The following VARS2 variants were observed in gnomAD, a reference collection of about 807,000 sequenced individuals.
VARS2 encodes the protein valyl-tRNA synthetase 2, mitochondrial, also known as valine--tRNA ligase, mitochondrial.
VARS2 carries 105 observed loss-of-function variants against 154.1 expected under a neutral mutation model. That is an observed-to-expected ratio of 0.68 (90% CI 0.58 to 0.80). The LOEUF (loss-of-function observed/expected upper bound fraction) is 0.80. Among genes scored for constraint, VARS2 ranks in the 30% least tolerant of loss-of-function variants. VARS2 has a pLI of 0.00. For synonymous variants in VARS2, 483 were observed against 539.5 expected (o/e 0.90, Z 1.45); for missense variants, 1,157 against 1,361.4 (o/e 0.85, Z 2.36).
Position 30,917,623 on chromosome 6 carries a change from T to C in VARS2, c.874-72T>C, listed in dbSNP as rs1275678681. On this transcript the variant is annotated intron_variant, in intron 9 of 29. Transcript: ENST00000676266. This position sits in a 1 kb window ranked among gnomAD's most constrained non-coding sequence, Gnocchi z 4.4. ...CAGGGAGGCTGGGCAGATGGATGAGTGGCAGAGTGAAGCCTGGGCATGAGC... is the reference window on the plus strand; with the variant it reads ...CAGGGAGGCTGGGCAGATGGATGAGCGGCAGAGTGAAGCCTGGGCATGAGC... 18 of 1,378,796 alleles carry C rather than the reference T, an allele frequency of 1.3e-5. No homozygotes were observed. Among genetic ancestry groups the C allele is most frequent in the Non-Finnish European group, 1.7e-5 (17 of 1,015,414 alleles). 85.4% of individuals were successfully genotyped at this position (1,378,796 alleles called of 1,614,324 possible).
rs778513420 is a variant in VARS2, at chr6:30,924,383, G to C, written c.2496G>C (p.Ser832=). 2 of 1,612,432 alleles carry C rather than the reference G, an allele frequency of 1.2e-6. No homozygotes were observed. Among genetic ancestry groups the C allele is most frequent in the Non-Finnish European group, 1.7e-6 (2 of 1,179,992 alleles). Residue 832 remains serine, a synonymous_variant, in exon 26 of 30, where the codon TCG becomes TCC. Coordinates refer to ENST00000676266, the MANE Select transcript of VARS2 (RefSeq NM_020442.6). ...CTGTGAAGCCCGTGCTGTGGCACTCGCCCCGCCCCCTGGGGCCCCCTCAGG... is the reference window on the plus strand; with the variant it reads ...CTGTGAAGCCCGTGCTGTGGCACTCCCCCCGCCCCCTGGGGCCCCCTCAGG... The part of the protein sequence containing the change: ...LEAVKPVLWH[S]PRPLGPPQVL...
At position 30,926,293 on chromosome 6, in the gene VARS2, A is replaced by G. The variant is rs1036997318; in HGVS notation, c.*83A>G. On this transcript the variant is annotated 3_prime_UTR_variant, in exon 30 of 30. Transcript: ENST00000676266. The stretch of plus-strand genomic sequence containing the variant: ...TTGTCAGCTGTCAGGGTGCAGTGGG[A>G]CGTCAGAGACTATGTGGTCCATCGC... 4.4e-6 allele frequency: 6 copies of G among 1,362,368 alleles called. No homozygotes were observed. In the African/African-American group the frequency reaches 8.6e-5, roughly 20 times the overall value. The allele number at this position is 1,362,368 out of a possible 1,614,324, so 84.4% of individuals were successfully genotyped here.
At position 30,920,610 on chromosome 6, in the gene VARS2, C is replaced by A; in HGVS notation, c.1398-58C>A. 7.0e-7 allele frequency: 1 copy of A among 1,424,298 alleles called. No individual in the cohort carries two copies. Among genetic ancestry groups the A allele is most frequent in the Non-Finnish European group, 9.5e-7 (1 of 1,054,746 alleles). The allele number at this position is 1,424,298 out of a possible 1,614,324, so 88.2% of individuals were successfully genotyped here. On this transcript the variant is annotated intron_variant, in intron 14 of 29. Coordinates refer to ENST00000676266, the MANE Select transcript of VARS2 (RefSeq NM_020442.6). This position sits in a 1 kb window ranked among gnomAD's most constrained non-coding sequence, Gnocchi z 4.6. Reference sequence around the variant, plus strand: ...GCCTGGCATGGCATGGGGTCTTGTGCCCCTGGGAGAAGTCACAGGGCCGGA... The same window carrying A: ...GCCTGGCATGGCATGGGGTCTTGTGACCCTGGGAGAAGTCACAGGGCCGGA...
At position 30,914,396 on chromosome 6, in the gene VARS2, G is replaced by C. The variant is rs918246743; in HGVS notation, c.-28+52G>C. ...GGAAGTGGGAGACGCTGCGGGTCCT[G>C]GGCCCAGGCCTTGGGATGGGCGGGA... On this transcript the variant is annotated intron_variant, in intron 1 of 29. Coordinates refer to ENST00000676266, the MANE Select transcript of VARS2 (RefSeq NM_020442.6). 4.0e-6 allele frequency: 5 copies of C among 1,258,444 alleles called. No homozygotes were observed. In the African/African-American group the frequency reaches 4.6e-5, roughly 12 times the overall value. The allele number at this position is 1,258,444 out of a possible 1,614,324, so 78.0% of individuals were successfully genotyped here.
chr6:30,920,060 C>T lies in VARS2; in HGVS notation c.1166-29C>T. On this transcript the variant is annotated intron_variant, in intron 12 of 29. Transcript: ENST00000676266. The surrounding 1 kb of genome is among the most constrained non-coding windows in gnomAD (Gnocchi z 4.6). ...GAAAAGCAAAAGCCAAGGTCAGGTT[C>T]AGTACTCACCATGGCTGTGCTCCCC... 6.6e-7 allele frequency: 1 copy of T among 1,516,848 alleles called. No individual in the cohort carries two copies. The highest frequency in any genetic ancestry group is 8.8e-7 in the Non-Finnish European group (1 of 1,133,074). 94.0% of individuals were successfully genotyped at this position (1,516,848 alleles called of 1,614,324 possible). A position where few individuals can be genotyped will look rare whatever the true frequency, so the allele number is the denominator to read the frequency against.
rs528217043 is a variant in VARS2, at chr6:30,926,380, T to C, written c.*170T>C. On this transcript the variant is annotated 3_prime_UTR_variant, in exon 30 of 30. Transcript: ENST00000676266. Reference sequence around the variant, plus strand: ...CGCAGTGACTGTGGTGTCCTTGAGATGCTCACATTACTGCCCGGCCTGCCT... The same window carrying C: ...CGCAGTGACTGTGGTGTCCTTGAGACGCTCACATTACTGCCCGGCCTGCCT... 1 of 684,208 alleles carries C rather than the reference T, an allele frequency of 1.5e-6. No homozygotes were observed. Among genetic ancestry groups the C allele is most frequent in the African/African-American group, 1.8e-5 (1 of 55,688 alleles). The allele number at this position is 684,208 out of a possible 1,614,324, so 42.4% of individuals were successfully genotyped here.
chr6:30,914,499 C>T (rs1582167279), intron 1 of VARS2, 155 bp downstream of exon 1: 1 of 1,333,026 alleles, frequency 7.5e-7, no homozygotes, highest in African/African-American at 1.5e-5. Context: ...TGGCGGGACT[C>T]CTTGCTGGCT....
chr6:30,917,000 T>C lies in VARS2; in HGVS notation c.753+41T>C, dbSNP rs1794217767. 6.2e-7 allele frequency: 1 copy of C among 1,613,392 alleles called. No homozygotes were observed. Among genetic ancestry groups the C allele is most frequent in the Non-Finnish European group, 8.5e-7 (1 of 1,179,432 alleles). On this transcript the variant is annotated intron_variant, in intron 8 of 29. Transcript: ENST00000676266. This position sits in a 1 kb window ranked among gnomAD's most constrained non-coding sequence, Gnocchi z 4.0. The stretch of plus-strand genomic sequence containing the variant: ...CTTGGTCCCTGTGAGTGATGGGCGA[T>C]GTTTAGGGATCTGTGTGGGGCAGGG...
intron 4 of VARS2, 37 bp from the exon 5 acceptor site, chr6:30,915,709 T>C: frequency 6.2e-7 from 1 of 1,609,318 alleles, no homozygotes; most frequent in Non-Finnish European, 8.5e-7. Flanking sequence ...CCCAATCCAA[T>C]TCTCTCTTGC....
At chr6:30,915,598 T>A in intron 4 of VARS2, 143 bp downstream of exon 4, 1 of 1,459,044 alleles carries the variant, frequency 6.9e-7, no homozygotes. Flanking sequence ...TCTTGGCAGG[T>A]TCCCCCTGGC....
In VARS2 at chr6:30,917,014, T is replaced by C; in HGVS notation, c.753+55T>C. 1 of 1,613,390 alleles carries C rather than the reference T, an allele frequency of 6.2e-7. No homozygotes were observed. The highest frequency in any genetic ancestry group is 8.5e-7 in the Non-Finnish European group (1 of 1,179,432). On this transcript the variant is annotated intron_variant, in intron 8 of 29. Transcript: ENST00000676266. The surrounding 1 kb of genome is among the most constrained non-coding windows in gnomAD (Gnocchi z 4.4). ...GTGATGGGCGATGTTTAGGGATCTGTGTGGGGCAGGGAGGAAGCAATGCCT... is the reference window on the plus strand; with the variant it reads ...GTGATGGGCGATGTTTAGGGATCTGCGTGGGGCAGGGAGGAAGCAATGCCT...
rs1290735756 is a variant in VARS2, at chr6:30,921,267, C to A, written c.1594C>A (p.Gln532Lys). Reference sequence around the variant, plus strand: ...CTCCCGGCAGCTGTGGTGGGGCCATCAGATTCCAGCCTACCTGGTTGTAGA... The same window carrying A: ...CTCCCGGCAGCTGTGGTGGGGCCATAAGATTCCAGCCTACCTGGTTGTAGA... ...CVSRQLWWGH[Q>K]IPAYLVVEDH... Residue 532 changes from glutamine to lysine, a missense_variant, in exon 17 of 30, where the codon CAG becomes AAG. Coordinates refer to ENST00000676266, the MANE Select transcript of VARS2 (RefSeq NM_020442.6). The surrounding 1 kb of genome is among the most constrained non-coding windows in gnomAD (Gnocchi z 4.6). 1 of 1,613,994 alleles carries A rather than the reference C, an allele frequency of 6.2e-7. No homozygotes were observed. Among genetic ancestry groups the A allele is most frequent in the Non-Finnish European group, 8.5e-7 (1 of 1,180,020 alleles).
intron 1 of VARS2, 68 bp from the exon 2 acceptor site, chr6:30,914,742 G>A: frequency 7.0e-7 from 1 of 1,436,482 alleles, no homozygotes; most frequent in Non-Finnish European, 9.5e-7. Context: ...AGACAGGAAA[G>A]ATGGAACAAG....
chr6:30,921,710 G>A lies in VARS2; in HGVS notation c.1735+19G>A, dbSNP rs1340276172. On this transcript the variant is annotated intron_variant, in intron 18 of 29. Coordinates refer to ENST00000676266, the MANE Select transcript of VARS2 (RefSeq NM_020442.6). This position sits in a 1 kb window ranked among gnomAD's most constrained non-coding sequence, Gnocchi z 4.6. ...GAGAGGGGTGAGTGCCTGAGCTGGG[G>A]AGGGATGTACAGGGGAGCGGGGGCC... 3 of 1,591,756 alleles carry A rather than the reference G, an allele frequency of 1.9e-6. No individual in the cohort carries two copies. The highest frequency in any genetic ancestry group is 2.7e-5 in the African/African-American group (2 of 74,748).
intron 27 of VARS2, 61 bp downstream of exon 27, chr6:30,925,446 GAGC>G (rs1794775985): frequency 9.5e-6 from 15 of 1,578,020 alleles, no homozygotes; most frequent in Non-Finnish European, 1.2e-5. Context: ...GTGGGGAAAA[GAGC>G]AGAGCCTGAA....
rs145049694 is a variant in VARS2, at chr6:30,916,480, T to TTA, written c.671+247_671+248dup. 5,953 of 285,266 alleles carry TTA rather than the reference T, an allele frequency of 0.021. 56 individuals carry two copies. The highest frequency in any genetic ancestry group is 0.039 in the Admixed American group (757 of 19,502). 17.7% of individuals were successfully genotyped at this position (285,266 alleles called of 1,614,324 possible). ...TGTGTGTGTGTGTGTGTGTGTGTAT[T>TTA]TATATATATATATATATTTTCTTTC... On this transcript the variant is annotated intron_variant, in intron 7 of 29. Coordinates refer to ENST00000676266, the MANE Select transcript of VARS2 (RefSeq NM_020442.6). This position sits in a 1 kb window ranked among gnomAD's most constrained non-coding sequence, Gnocchi z 4.0.
At position 30,921,920 on chromosome 6, in the gene VARS2, C is replaced by T. The variant is rs1794537423; in HGVS notation, c.1736-5C>T. On this transcript the variant is annotated splice_polypyrimidine_tract_variant and splice_region_variant and intron_variant, in intron 18 of 29. Coordinates refer to ENST00000676266, the MANE Select transcript of VARS2 (RefSeq NM_020442.6). This position sits in a 1 kb window ranked among gnomAD's most constrained non-coding sequence, Gnocchi z 4.6. ...AACTGTCCCCATTCTTTTTCTGTTT[C>T]CCAGATCCTGATGTCCTAGACACAT... The T allele has an allele frequency of 1.2e-6, 2 of 1,613,012 alleles. No homozygotes were observed. The highest frequency in any genetic ancestry group is 1.7e-6 in the Non-Finnish European group (2 of 1,180,008).
In VARS2 at chr6:30,921,022, G is replaced by A. The variant is rs373684091; in HGVS notation, c.1480-43G>A. 89 of 1,571,998 alleles carry A rather than the reference G, an allele frequency of 5.7e-5. No homozygotes were observed. Among genetic ancestry groups the A allele is most frequent in the Admixed American group, 1.1e-4 (6 of 56,002 alleles). On this transcript the variant is annotated intron_variant, in intron 15 of 29. Transcript: ENST00000676266. This position sits in a 1 kb window ranked among gnomAD's most constrained non-coding sequence, Gnocchi z 4.6. ...TCGTCCTATCTGTGGAGGTGCGGCCGTGCAGGAAGGGCAACATTGTCTAAA... is the reference window on the plus strand; with the variant it reads ...TCGTCCTATCTGTGGAGGTGCGGCCATGCAGGAAGGGCAACATTGTCTAAA...
intron 4 of VARS2, 101 bp from the exon 5 acceptor site, chr6:30,915,645 A>T (rs1794107055): frequency 2.6e-6 from 4 of 1,556,064 alleles, no homozygotes; most frequent in Non-Finnish European, 3.5e-6. Context: ...TATTTGCAGG[A>T]CAGTTCTTCC....
Sources: allele counts gnomAD v4.1 joint callset, GRCh38; gene constraint gnomAD v4.1.1; non-coding constraint Gnocchi (gnomAD v3.1); transcripts MANE v1.5; gene names NCBI Gene and HGNC (gene_info 2026-07-23, HGNC 2026-07-21).